Variants in DTWD2 observed in about 807,000 individuals in gnomAD.
DTWD2 encodes the protein tRNA-uridine aminocarboxypropyltransferase 2.
DTWD2 carries 39 observed loss-of-function variants against 31.8 expected under a neutral mutation model. That is an observed-to-expected ratio of 1.22 (90% CI 0.95 to 1.60). The LOEUF is 1.60. Ranked by LOEUF, DTWD2 falls within the 40% of genes most tolerant of loss-of-function variation. The probability of loss-of-function intolerance (pLI) is 0.00; values close to 1 mark genes in which losing one functional copy is unlikely to be tolerated. For missense variants in DTWD2, 515 were observed against 381.5 expected (o/e 1.35, Z -2.92); for synonymous variants, 180 against 142.8 (o/e 1.26, Z -1.86).
intron 4 of DTWD2, among the ~76,000 whole-genome samples, chr5:118,913,817 G>A (rs1181583339): frequency 6.6e-6 from 1 of 152,004 alleles, no homozygotes; most frequent in Non-Finnish European, 1.5e-5. Flanking sequence ...AAAGAAAGCT[G>A]TATCATATGA....
chr5:118,913,414 TATATAG>T (rs1429313823), intron 4 of DTWD2, among the ~76,000 whole-genome samples: 1 of 134,234 alleles, frequency 7.4e-6, no homozygotes, highest in Middle Eastern at 3.5e-3. Context: ...TATATAGATA[TATATAG>T]ATATATATAT....
chr5:118,936,615 G>C (rs1430313704), intron 3 of DTWD2, among the ~76,000 whole-genome samples: 1 of 152,124 alleles, frequency 6.6e-6, no homozygotes, highest in East Asian at 1.9e-4. Flanking sequence ...GACGAGGCCA[G>C]TCAACATAGC....
intron 2 of DTWD2, among the ~76,000 whole-genome samples, chr5:118,942,519 A>T (rs1050231021): frequency 6.0e-5 from 9 of 149,752 alleles, no homozygotes; most frequent in African/African-American, 2.2e-4. Context: ...GAAAACATTA[A>T]AAAAAAAAGG....
chr5:118,867,715 G>A (rs1306086158), intron 4 of DTWD2, among the ~76,000 whole-genome samples: 3 of 152,118 alleles, frequency 2.0e-5, no homozygotes, highest in South Asian at 4.1e-4. Context: ...TGAACATGCA[G>A]TCATCTATAA....
chr5:118,937,162 G>A (rs1048853499), intron 3 of DTWD2, among the ~76,000 whole-genome samples: 1 of 152,064 alleles, frequency 6.6e-6, no homozygotes, highest in East Asian at 1.9e-4. Context: ...TTAACATGCA[G>A]AAATCAATCA....
At chr5:118,851,218 CAA>C (rs35541408) in intron 4 of DTWD2, among the ~76,000 whole-genome samples, 18 of 81,940 alleles carry the variant, frequency 2.2e-4, no homozygotes, top group Admixed American at 2.5e-4. Context: ...GACCCTATCT[CAA>C]AAAAAAAAAA....
At chr5:118,985,924 C>T (rs1755416262) in intron 1 of DTWD2, among the ~76,000 whole-genome samples, 1 of 151,998 alleles carries the variant, frequency 6.6e-6, no homozygotes, top group Non-Finnish European at 1.5e-5. Context: ...CTGAGGGCTC[C>T]CCATTTAAAT....
intron 4 of DTWD2, among the ~76,000 whole-genome samples, chr5:118,923,762 G>C (rs997338327): frequency 6.6e-6 from 1 of 152,146 alleles, no homozygotes; most frequent in Non-Finnish European, 1.5e-5. Flanking sequence ...TCTCTGAGGA[G>C]GCAAGGACTG....
At chr5:118,968,635 C>T (rs1212364719) in intron 1 of DTWD2, among the ~76,000 whole-genome samples, 2 of 152,344 alleles carry the variant, frequency 1.3e-5, no homozygotes, top group Middle Eastern at 6.8e-3. Flanking sequence ...CAGGAGATCC[C>T]CCCCTGAGCC....
At chr5:118,937,891 T>C (rs1754080226) in intron 3 of DTWD2, among the ~76,000 whole-genome samples, 1 of 152,156 alleles carries the variant, frequency 6.6e-6, no homozygotes, top group South Asian at 2.1e-4. Context: ...CCTCATTATG[T>C]CTCTCCTGAC....
At chr5:118,913,178 C>T (rs1753497039) in intron 4 of DTWD2, among the ~76,000 whole-genome samples, 2 of 151,870 alleles carry the variant, frequency 1.3e-5, no homozygotes, top group Non-Finnish European at 2.9e-5. Flanking sequence ...ATGGGTTAAA[C>T]GTTCTTCTAA....
Position 118,893,275 on chromosome 5 carries a change from C to T in DTWD2, c.597+35262G>A, listed in dbSNP as rs1326478022. Among the ~76,000 whole-genome samples the T allele has an allele frequency of 4.7e-5, 7 of 149,900 alleles. No individual in the cohort carries two copies. The South Asian group carries it at 6.3e-4, about 14-fold the overall frequency. ...ACTTGGGAGGCTGAGGCACGAGAATCGCTTGAACCTGGGAAGTGGAGGTTG... is the reference window on the plus strand; with the variant it reads ...ACTTGGGAGGCTGAGGCACGAGAATTGCTTGAACCTGGGAAGTGGAGGTTG... On this transcript the variant is annotated intron_variant, in intron 4 of 5. Coordinates refer to ENST00000510708, the MANE Select transcript of DTWD2 (RefSeq NM_173666.4).
chr5:118,925,582 AT>A (rs1299785619), intron 4 of DTWD2, among the ~76,000 whole-genome samples: 1 of 152,240 alleles, frequency 6.6e-6, no homozygotes, highest in Non-Finnish European at 1.5e-5. Context: ...ACGGTGGCTC[AT>A]GCCTGTAATT....
At chr5:118,967,416 T>C (rs1006649042) in intron 1 of DTWD2, among the ~76,000 whole-genome samples, 1 of 152,198 alleles carries the variant, frequency 6.6e-6, no homozygotes, top group Non-Finnish European at 1.5e-5. Context: ...GTTTTGAATA[T>C]CATTTTACAA....
At chr5:118,919,597 G>T (rs1356731675) in intron 4 of DTWD2, among the ~76,000 whole-genome samples, 3 of 152,092 alleles carry the variant, frequency 2.0e-5, no homozygotes, top group Non-Finnish European at 4.4e-5. Context: ...ACAGACTATT[G>T]TTTCCCCATA....
chr5:118,853,047 C>A (rs1009422156), intron 4 of DTWD2, among the ~76,000 whole-genome samples: 1 of 152,124 alleles, frequency 6.6e-6, no homozygotes, highest in Non-Finnish European at 1.5e-5. Context: ...AACACAGACA[C>A]TGGAGACTAC....
rs547981768 is a variant in DTWD2, at chr5:118,957,956, C to T, written c.219-13307G>A. 5.9e-5 allele frequency among the ~76,000 whole-genome samples: 9 copies of T among 152,222 alleles called. No individual in the cohort carries two copies. In the East Asian group the frequency reaches 1.7e-3, roughly 29 times the overall value. On this transcript the variant is annotated intron_variant, in intron 1 of 5. Transcript: ENST00000510708. ...TTTGTGTATGTTTTATGAGGTGCAT[C>T]ATATACTAATATACAATAAGTGTGT...
chr5:118,984,427 A>G (rs1372805054), intron 1 of DTWD2, among the ~76,000 whole-genome samples: 3 of 151,566 alleles, frequency 2.0e-5, no homozygotes, highest in Non-Finnish European at 2.9e-5. Flanking sequence ...CGCCACTGCA[A>G]TCCAGCCTGG....
intron 4 of DTWD2, among the ~76,000 whole-genome samples, chr5:118,903,285 G>C (rs1217621939): frequency 6.6e-6 from 1 of 151,878 alleles, no homozygotes; most frequent in African/African-American, 2.4e-5. Context: ...CATTATCAAT[G>C]TGTTTTCATA....
Sources: gnomAD v4.1 joint callset for allele counts (sites outside exome capture counted in the v4.1 genomes callset) on GRCh38, gnomAD v4.1.1 for gene constraint, MANE v1.5 for transcripts, NCBI Gene and HGNC (gene_info 2026-07-23, HGNC 2026-07-21) for gene names.